The following RCOR1 variants were observed in gnomAD, a reference collection of about 807,000 sequenced individuals.
RCOR1 encodes the protein REST corepressor 1.
A neutral mutation model predicts 64.0 loss-of-function variants in RCOR1; 12 were observed. The observed-to-expected ratio is 0.19, with a 90% confidence interval of 0.12 to 0.30. RCOR1 has a LOEUF of 0.30. Ranked by LOEUF, RCOR1 falls within the 10% of genes least tolerant of loss-of-function variation. The pLI is 1.00. For synonymous variants in RCOR1, 279 were observed against 227.2 expected, an observed-to-expected ratio of 1.23 and a Z score of -2.05; for missense variants, 502 against 621.2, an observed-to-expected ratio of 0.81 and a Z score of 2.04.
intron 2 of RCOR1, among the ~76,000 whole-genome samples, chr14:102,675,303 CTG>C (rs754336417): frequency 3.9e-5 from 6 of 152,132 alleles, no homozygotes; most frequent in South Asian, 2.1e-4. Context: ...ATGCCTGAAA[CTG>C]TGGGTAGTAC....
At chr14:102,601,615 CAGTGCAGCTTGCA>C (rs1286709805) in intron 2 of RCOR1, among the ~76,000 whole-genome samples, 1 of 152,188 alleles carries the variant, frequency 6.6e-6, no homozygotes, top group East Asian at 1.9e-4. Flanking sequence ...CCTCAAACTG[CAGTGCAGCTTGCA>C]GTTCAGAGAA....
At chr14:102,690,460 G>T (rs1895509106) in intron 3 of RCOR1, among the ~76,000 whole-genome samples, 1 of 152,066 alleles carries the variant, frequency 6.6e-6, no homozygotes, top group Non-Finnish European at 1.5e-5. Flanking sequence ...TCATGATGGT[G>T]CACACCTGTA....
chr14:102,666,511 T>C (rs1894918779), intron 2 of RCOR1, among the ~76,000 whole-genome samples: 1 of 152,236 alleles, frequency 6.6e-6, no homozygotes, highest in Non-Finnish European at 1.5e-5. Flanking sequence ...CTTATGTTCT[T>C]AGTTTTTACC....
At chr14:102,613,284 T>G (rs1274951558) in intron 2 of RCOR1, among the ~76,000 whole-genome samples, 2 of 150,222 alleles carry the variant, frequency 1.3e-5, no homozygotes, top group African/African-American at 4.9e-5. Context: ...GTATTTTTGG[T>G]AGAGTTGGGG....
intron 2 of RCOR1, among the ~76,000 whole-genome samples, chr14:102,650,197 C>CAA (rs35233018): frequency 0.016 from 1,371 of 83,734 alleles, 24 homozygotes; most frequent in African/African-American, 0.055. Flanking sequence ...GACTCCACCG[C>CAA]AAAAAAAAAA....
intron 10 of RCOR1, among the ~76,000 whole-genome samples, chr14:102,721,955 C>T (rs1344214588): frequency 6.6e-6 from 1 of 152,146 alleles, no homozygotes; most frequent in Non-Finnish European, 1.5e-5. Context: ...GTGACTTCAG[C>T]TGTTATGTGA....
At chr14:102,597,654 T>G (rs1893288281) in intron 2 of RCOR1, among the ~76,000 whole-genome samples, 1 of 71,506 alleles carries the variant, frequency 1.4e-5, no homozygotes, top group Non-Finnish European at 2.9e-5. Context: ...TTTTTTTTTT[T>G]GAAATGGAGT....
chr14:102,597,794 T>G (rs1893293643), intron 2 of RCOR1, among the ~76,000 whole-genome samples: 1 of 150,854 alleles, frequency 6.6e-6, no homozygotes, highest in African/African-American at 2.4e-5. Context: ...CCACTATGTC[T>G]GGCTAATTTT....
At chr14:102,622,850 T>C (rs1372541902) in intron 2 of RCOR1, among the ~76,000 whole-genome samples, 1 of 152,224 alleles carries the variant, frequency 6.6e-6, no homozygotes, top group East Asian at 1.9e-4. Context: ...GTCATGAGTT[T>C]GTACTATGCG....
chr14:102,662,443 C>T, intron 2 of RCOR1: 5 of 549,282 alleles, frequency 9.1e-6, no homozygotes, highest in South Asian at 4.1e-5. Context: ...TGTCCTCGCT[C>T]TTCTTCATGG....
chr14:102,655,227 T>C, intron 2 of RCOR1: 1 of 984,182 alleles, frequency 1.0e-6, no homozygotes. Context: ...GAGAAGTACA[T>C]TTCTTAGGCA....
At chr14:102,629,453 C>A (rs1417469894) in intron 2 of RCOR1, among the ~76,000 whole-genome samples, 2 of 142,126 alleles carry the variant, frequency 1.4e-5, no homozygotes, top group African/African-American at 5.2e-5. Context: ...CCCCCCCCCC[C>A]ACCACTGCTT....
At chr14:102,689,320 AT>A (rs533182611) in intron 3 of RCOR1, among the ~76,000 whole-genome samples, 1 of 151,788 alleles carries the variant, frequency 6.6e-6, no homozygotes, top group Non-Finnish European at 1.5e-5. Context: ...GATTATTATT[AT>A]TTTTTTTAAG....
chr14:102,710,979 T>C lies in RCOR1; in HGVS notation c.824T>C (p.Ile275Thr), dbSNP rs763969209. 5.0e-6 allele frequency: 8 copies of C among 1,608,542 alleles called. No individual in the cohort carries two copies. The highest frequency in any genetic ancestry group is 1.7e-4 in the Middle Eastern group (1 of 6,048). Reference protein sequence around the residue: ...EEANGNNPIDIEVDQNKESKK... With the variant: ...EEANGNNPIDTEVDQNKESKK... ...GCAAATGGAAACAATCCCATTGACA[T>C]TGAGGTTGATCAAAACAAGGAAAGC... Residue 275 changes from isoleucine (I) to threonine (T), a missense_variant, in exon 7 of 12, where the codon ATT becomes ACT. This residue lies in a region of RCOR1 where 260 missense variants were observed against 416.4 expected (regional missense o/e 0.62). Coordinates refer to ENST00000262241, the MANE Select transcript of RCOR1 (RefSeq NM_015156.4).
chr14:102,622,254 C>T (rs1486734015), intron 2 of RCOR1, among the ~76,000 whole-genome samples: 1 of 152,124 alleles, frequency 6.6e-6, no homozygotes, highest in Non-Finnish European at 1.5e-5. Flanking sequence ...AACCTGTAGC[C>T]TCTTTCAGCA....
intron 2 of RCOR1, among the ~76,000 whole-genome samples, chr14:102,678,446 C>A (rs1417299020): frequency 2.0e-5 from 3 of 152,108 alleles, no homozygotes; most frequent in Non-Finnish European, 2.9e-5. Context: ...TCTGCAGGCA[C>A]ACACCACCAC....
chr14:102,678,788 C>G (rs1262366900), intron 2 of RCOR1, among the ~76,000 whole-genome samples: 1 of 152,212 alleles, frequency 6.6e-6, no homozygotes. Context: ...CTTGTCAGCA[C>G]TTTGTAGTGT....
chr14:102,675,047 C>CAAAAAAAAAAAAAAA (rs761294133), intron 2 of RCOR1, among the ~76,000 whole-genome samples: 1 of 63,412 alleles, frequency 1.6e-5, no homozygotes. Flanking sequence ...GACTCCACCT[C>CAAAAAAAAAAAAAAA]AAAAAAAAAA....
intron 2 of RCOR1, among the ~76,000 whole-genome samples, chr14:102,624,070 C>A (rs1250142495): frequency 2.6e-5 from 4 of 152,010 alleles, no homozygotes; most frequent in African/African-American, 9.7e-5. Flanking sequence ...GTGGCGGGCA[C>A]CTGTAGTCCC....
Sources: gnomAD v4.1 joint callset for allele counts (sites outside exome capture counted in the v4.1 genomes callset) on GRCh38, gnomAD v4.1.1 for gene constraint, gnomAD v4.1.1 regional missense constraint, MANE v1.5 for transcripts, NCBI Gene and HGNC (gene_info 2026-07-23, HGNC 2026-07-21) for gene names.